CEP44: variants seen among roughly 807,000 people sequenced by gnomAD.
CEP44 encodes centrosomal protein of 44 kDa.
In CEP44, 45 loss-of-function variants were observed where a neutral mutation model predicts 46.7. That is an observed-to-expected ratio of 0.96 (90% CI 0.76 to 1.24). The LOEUF is 1.24. CEP44 is among the 50% of genes most tolerant of loss of function. The pLI, the probability that CEP44 is intolerant of heterozygous loss-of-function variation, is 0.00. For missense variants in CEP44, 475 were observed against 459.7 expected, an observed-to-expected ratio of 1.03 and a Z score of -0.30; for synonymous variants, 142 against 146.0, an observed-to-expected ratio of 0.97 and a Z score of 0.20.
rs1431528903 is a variant in CEP44, at chr4:174,325,502, T to A, written c.1087-5980T>A. ...GATCCTGTCTCTACAAAAATTTTTTTAAATTAGCCAAGCATAGTGGTATGC... is the reference window on the plus strand; with the variant it reads ...GATCCTGTCTCTACAAAAATTTTTTAAAATTAGCCAAGCATAGTGGTATGC... On this transcript the variant is annotated intron_variant, in intron 8 of 8. Coordinates refer to the CEP44 transcript ENST00000426172. The surrounding 1 kb of genome is among the most constrained non-coding windows in gnomAD (Gnocchi z 4.4). 6.6e-6 allele frequency among the ~76,000 whole-genome samples: 1 copy of A among 151,766 alleles called. No homozygotes were observed. Among genetic ancestry groups the A allele is most frequent in the East Asian group, 1.9e-4 (1 of 5,148 alleles).
rs953751307 is a variant in CEP44 at position 174,295,026 on chromosome 4, G to T, written c.-147-2940G>T. Reference sequence around the variant, plus strand: ...CCGGATGGGACGGCTGGCCAGGCGGGGGGCTGACCCCCCCACCTCCCTCCC... The same window carrying T: ...CCGGATGGGACGGCTGGCCAGGCGGTGGGCTGACCCCCCCACCTCCCTCCC... On this transcript the variant is annotated intron_variant, in intron 1 of 11. Coordinates refer to ENST00000503780, the MANE Select transcript of CEP44 (RefSeq NM_001040157.3). Among the ~76,000 whole-genome samples the T allele has an allele frequency of 7.8e-5, 11 of 141,268 alleles. 1 individual carries two copies. The highest frequency in any genetic ancestry group is 1.7e-4 in the Non-Finnish European group (11 of 65,764). 92.7% of individuals were successfully genotyped at this position (141,268 alleles called of 152,430 possible).
chr4:174,319,936 A>G lies in CEP44; in HGVS notation c.*2553A>G. On this transcript the variant is annotated 3_prime_UTR_variant, in exon 12 of 12. Transcript: ENST00000503780. ...CTAGCCACTGTTGATTAACTTGAGA[A>G]GGTGAAGCAGGGGAGTTCTGAAGAG... is the stretch of plus-strand genomic sequence containing the variant. 4.1e-6 allele frequency: 4 copies of G among 985,258 alleles called. No individual in the cohort carries two copies. The highest frequency in any genetic ancestry group is 4.8e-6 in the Non-Finnish European group (4 of 829,764). The allele number at this position is 985,258 out of a possible 1,614,324, so 61.0% of individuals were successfully genotyped here. A position where few individuals can be genotyped will look rare whatever the true frequency, so the allele number is the denominator to read the frequency against.
At position 174,317,673 on chromosome 4, in the gene CEP44, AT is replaced by A; in HGVS notation, c.*293del. The stretch of plus-strand genomic sequence containing the variant: ...TACAGCACTGTATTTCTGTGTTGAC[AT>A]TTGTTGGCAGTGTGCTAAGTAATGT... On this transcript the variant is annotated 3_prime_UTR_variant, in exon 12 of 12. Transcript: ENST00000503780. The A allele has an allele frequency of 9.9e-7, 1 of 1,013,574 alleles. No homozygotes were observed. Among genetic ancestry groups the A allele is most frequent in the Non-Finnish European group, 1.2e-6 (1 of 848,196 alleles). 62.8% of individuals were successfully genotyped at this position (1,013,574 alleles called of 1,614,324 possible).
intron 6 of CEP44, among the ~76,000 whole-genome samples, chr4:174,308,219 A>T (rs1740658590): frequency 6.6e-6 from 1 of 152,188 alleles, no homozygotes; most frequent in Non-Finnish European, 1.5e-5. Flanking sequence ...AAGACATGGA[A>T]TCAACCTAAA....
chr4:174,322,178 A>G (rs563453451), downstream of CEP44, among the ~76,000 whole-genome samples: 8 of 152,294 alleles, frequency 5.3e-5, no homozygotes, highest in South Asian at 1.0e-3. Flanking sequence ...AAAAATGTTT[A>G]AAGTTTAAAA....
chr4:174,293,906 G>A (rs1456566793), intron 1 of CEP44, among the ~76,000 whole-genome samples: 1 of 152,134 alleles, frequency 6.6e-6, no homozygotes, highest in African/African-American at 2.4e-5. Context: ...TCAGCCTTAA[G>A]TGTGGTGTTA....
rs779217465 is a variant in CEP44, at chr4:174,310,004, ATCT to A, written c.838_840del (p.Leu280del). The A allele has an allele frequency of 1.9e-5, 30 of 1,612,650 alleles. No individual in the cohort carries two copies. Among genetic ancestry groups the A allele is most frequent in the Non-Finnish European group, 2.2e-5 (26 of 1,179,178 alleles). ...ATGGTAGATGAAAACACCTGGACTAATCTTCTTAGTCGTGTCACTCTTCTTGAA... is the reference window on the plus strand; with the variant it reads ...ATGGTAGATGAAAACACCTGGACTAATCTTAGTCGTGTCACTCTTCTTGAA... On this transcript the variant is annotated inframe_deletion, in exon 8 of 12. Coordinates refer to ENST00000503780, the MANE Select transcript of CEP44 (RefSeq NM_001040157.3). This position sits in a 1 kb window ranked among gnomAD's most constrained non-coding sequence, Gnocchi z 4.2.
In CEP44 at chr4:174,314,904, G is replaced by A; in HGVS notation, c.962-1262G>A. On this transcript the variant is annotated intron_variant, in intron 9 of 11. Coordinates refer to ENST00000503780, the MANE Select transcript of CEP44 (RefSeq NM_001040157.3). This position sits in a 1 kb window ranked among gnomAD's most constrained non-coding sequence, Gnocchi z 4.1. ...CCCAGAGAATTCCAGTTCAAAGTGT[G>A]ATGAGTCAAATTACATTCTCTCTCT... 6.6e-6 allele frequency among the ~76,000 whole-genome samples: 1 copy of A among 152,190 alleles called. No homozygotes were observed. Among genetic ancestry groups the A allele is most frequent in the Non-Finnish European group, 1.5e-5 (1 of 68,024 alleles).
Position 174,290,563 on chromosome 4 carries a change from A to G in CEP44, c.-148+6620A>G, listed in dbSNP as rs1161516623. Among the ~76,000 whole-genome samples the G allele has an allele frequency of 1.3e-5, 2 of 151,884 alleles. No homozygotes were observed. Among genetic ancestry groups the G allele is most frequent in the African/African-American group, 2.4e-5 (1 of 41,408 alleles). ...TATATGCATGTTAGGTCTTTGGTCT[A>G]TAGTGTTGTATAGTTTGCAATTTAC... On this transcript the variant is annotated intron_variant, in intron 1 of 11. Coordinates refer to ENST00000503780, the MANE Select transcript of CEP44 (RefSeq NM_001040157.3). The surrounding 1 kb of genome is among the most constrained non-coding windows in gnomAD (Gnocchi z 4.3).
intron 5 of CEP44, 31 bp from the exon 6 acceptor site, chr4:174,304,216 T>G: frequency 5.8e-6 from 9 of 1,560,750 alleles, no homozygotes; most frequent in Non-Finnish European, 6.9e-6. Flanking sequence ...CACACAAAAT[T>G]TGTTATTTTG....
rs754838119 is a variant in CEP44 at position 174,326,027 on chromosome 4, C to A, written c.1087-5455C>A. Among the ~76,000 whole-genome samples, 15 of 152,076 alleles carry A rather than the reference C, an allele frequency of 9.9e-5. No individual in the cohort carries two copies. The highest frequency in any genetic ancestry group is 2.1e-4 in the Non-Finnish European group (14 of 67,998). On this transcript the variant is annotated intron_variant, in intron 8 of 8. Transcript: ENST00000426172. The surrounding 1 kb of genome is among the most constrained non-coding windows in gnomAD (Gnocchi z 4.8). ...TTGCTCTTTTATCAAATCTAAAAATCTCTGGAATGTTTAGATTATTTACAT... is the reference window on the plus strand; with the variant it reads ...TTGCTCTTTTATCAAATCTAAAAATATCTGGAATGTTTAGATTATTTACAT...
At chr4:174,323,171 A>C (rs538206869), downstream of CEP44, among the ~76,000 whole-genome samples, 31 of 152,158 alleles carry the variant, frequency 2.0e-4, no homozygotes, top group Non-Finnish European at 4.3e-4. Context: ...TTTATCACAG[A>C]TATCACAGGA....
chr4:174,308,616 C>A (rs1740714951), intron 6 of CEP44, 73 bp from the exon 7 acceptor site: 7 of 1,474,582 alleles, frequency 4.7e-6, no homozygotes, highest in Admixed American at 2.1e-5. Flanking sequence ...GACCCCTGAA[C>A]TTAAAAGTTA....
rs1188975224 is a variant in CEP44 at position 174,325,833 on chromosome 4, C to A, written c.1087-5649C>A. Among the ~76,000 whole-genome samples, 1 of 152,092 alleles carries A rather than the reference C, an allele frequency of 6.6e-6. No homozygotes were observed. Among genetic ancestry groups the A allele is most frequent in the Non-Finnish European group, 1.5e-5 (1 of 68,008 alleles). On this transcript the variant is annotated intron_variant, in intron 8 of 8. Coordinates refer to the CEP44 transcript ENST00000426172. The surrounding 1 kb of genome is among the most constrained non-coding windows in gnomAD (Gnocchi z 4.4). ...AGACTTATTTCTTATTATGAGTTGG[C>A]CCTCTTTATCTCTGGTAATATTCTC... is the stretch of plus-strand genomic sequence containing the variant.
In CEP44 at chr4:174,297,106, A is replaced by C. The variant is rs549002658; in HGVS notation, c.-147-860A>C. Among the ~76,000 whole-genome samples the C allele has an allele frequency of 3.5e-4, 53 of 152,128 alleles. No individual in the cohort carries two copies. Among genetic ancestry groups the C allele is most frequent in the African/African-American group, 1.2e-3 (50 of 41,490 alleles). On this transcript the variant is annotated intron_variant, in intron 1 of 11. Coordinates refer to ENST00000503780, the MANE Select transcript of CEP44 (RefSeq NM_001040157.3). The surrounding 1 kb of genome is among the most constrained non-coding windows in gnomAD (Gnocchi z 4.3). ...ATTTACTTTTAATCTTATAAACAAAATGGATTTCTTATAGACAACATGTAG... is the reference window on the plus strand; with the variant it reads ...ATTTACTTTTAATCTTATAAACAAACTGGATTTCTTATAGACAACATGTAG...
At chr4:174,324,608 A>G (rs1329565614), downstream of CEP44, among the ~76,000 whole-genome samples, 1 of 152,100 alleles carries the variant, frequency 6.6e-6, no homozygotes, top group African/African-American at 2.4e-5. Flanking sequence ...TTAAGGCTCA[A>G]TGTTATGTAC....
At position 174,310,887 on chromosome 4, in the gene CEP44, TATG is replaced by T; in HGVS notation, c.961+34_961+36del. ...AGTTTGTAAATACTATGAGAATTGGTATGATGAGTTTTCAGAAAAATGATTGTT... is the reference window on the plus strand; with the variant it reads ...AGTTTGTAAATACTATGAGAATTGGTATGAGTTTTCAGAAAAATGATTGTT... On this transcript the variant is annotated intron_variant, in intron 9 of 11. Coordinates refer to ENST00000503780, the MANE Select transcript of CEP44 (RefSeq NM_001040157.3). The surrounding 1 kb of genome is among the most constrained non-coding windows in gnomAD (Gnocchi z 4.2). 1 of 980,018 alleles carries T rather than the reference TATG, an allele frequency of 1.0e-6. No individual in the cohort carries two copies. The highest frequency in any genetic ancestry group is 1.6e-6 in the Non-Finnish European group (1 of 639,156). 60.7% of individuals were successfully genotyped at this position (980,018 alleles called of 1,614,324 possible).
chr4:174,291,725 C>A (rs1738217252), intron 1 of CEP44, among the ~76,000 whole-genome samples: 1 of 150,084 alleles, frequency 6.7e-6, no homozygotes, highest in Non-Finnish European at 1.5e-5. Flanking sequence ...GTGACAAACT[C>A]CCTGAGTTTT....
At chr4:174,332,882 C>G (rs890144582) in exon 9 of CEP44, 3 of 152,108 alleles carry the variant, frequency 2.0e-5, no homozygotes, top group African/African-American at 4.8e-5. Context: ...GTTAACCTTC[C>G]TGGGTTTGAG....
Sources: allele counts gnomAD v4.1 joint callset (sites outside exome capture counted in the v4.1 genomes callset), GRCh38; gene constraint gnomAD v4.1.1; non-coding constraint Gnocchi (gnomAD v3.1); transcripts MANE v1.5; gene names NCBI Gene and HGNC (gene_info 2026-07-23, HGNC 2026-07-21).